Variants in CFDP1 observed in about 807,000 individuals in gnomAD.
The protein encoded by CFDP1 is chromatin remodeling protein CFDP1.
In CFDP1, 31 loss-of-function variants were observed where a neutral mutation model predicts 40.1. The observed-to-expected ratio is 0.77, with a 90% CI of 0.58 to 1.04. The LOEUF is 1.04. Ranked by LOEUF, CFDP1 falls within the 50% of genes least tolerant of loss-of-function variation. The pLI, the probability that CFDP1 is intolerant of heterozygous loss-of-function variation, is 0.00. For missense variants in CFDP1, 423 were observed against 343.4 expected (o/e 1.23, Z -1.83); for synonymous variants, 167 against 120.0 (o/e 1.39, Z -2.56).
intron 5 of CFDP1, among the ~76,000 whole-genome samples, chr16:75,369,570 T>C (rs942979177): frequency 1.1e-4 from 16 of 152,214 alleles, no homozygotes; most frequent in African/African-American, 3.9e-4. Context: ...GAGACGTATG[T>C]GTCCACACTT....
intron 5 of CFDP1, among the ~76,000 whole-genome samples, chr16:75,306,766 C>G (rs2078259734): frequency 6.6e-6 from 1 of 152,122 alleles, no homozygotes; most frequent in Non-Finnish European, 1.5e-5. Context: ...TACTTTACTT[C>G]CCAGTTTGCT....
chr16:75,420,111 C>CAAAAAAAAAAAAAAAA (rs10706144), intron 1 of CFDP1, among the ~76,000 whole-genome samples: 1 of 62,610 alleles, frequency 1.6e-5, no homozygotes, highest in Non-Finnish European at 3.0e-5. Flanking sequence ...ACCTTCATCT[C>CAAAAAAAAAAAAAAAA]AAAAAAAAAA....
intron 5 of CFDP1, among the ~76,000 whole-genome samples, chr16:75,357,369 C>CGAGT (rs1567655826): frequency 2.6e-5 from 4 of 152,120 alleles, no homozygotes; most frequent in African/African-American, 7.2e-5. Flanking sequence ...ATTCTCCTAC[C>CGAGT]TCAGCCTCCT....
chr16:75,402,372 G>A (rs1179476078), intron 4 of CFDP1, among the ~76,000 whole-genome samples: 1 of 152,144 alleles, frequency 6.6e-6, no homozygotes, highest in Non-Finnish European at 1.5e-5. Flanking sequence ...TTTCCAAAAG[G>A]TGAATCATTT....
chr16:75,348,121 T>A (rs2078582934), intron 5 of CFDP1, among the ~76,000 whole-genome samples: 1 of 152,182 alleles, frequency 6.6e-6, no homozygotes, highest in African/African-American at 2.4e-5. Flanking sequence ...AATGTTAATT[T>A]CTTTCTTTTT....
chr16:75,375,140 A>G (rs1263943305), intron 5 of CFDP1, among the ~76,000 whole-genome samples: 2 of 152,210 alleles, frequency 1.3e-5, no homozygotes, highest in East Asian at 1.9e-4. Context: ...GGACCATTAA[A>G]AAAAGGCAAA....
chr16:75,433,259 T>A (rs1463630589), intron 1 of CFDP1, 30 bp downstream of exon 1: 1 of 1,575,610 alleles, frequency 6.3e-7, no homozygotes, highest in Non-Finnish European at 8.6e-7. Flanking sequence ...GCGGGGCAAT[T>A]CGCTTCTCGC....
intron 5 of CFDP1, chr16:75,325,118 G>A (rs2078393242): frequency 6.6e-6 from 1 of 152,322 alleles, no homozygotes; most frequent in African/African-American, 2.4e-5. Flanking sequence ...GTATGCCTAT[G>A]ACCCCCAAAT....
chr16:75,325,352 G>A (rs746154922), intron 5 of CFDP1, among the ~76,000 whole-genome samples: 1 of 152,160 alleles, frequency 6.6e-6, no homozygotes, highest in African/African-American at 2.4e-5. Context: ...TCTGCCCAAC[G>A]ACTGTGCCCA....
At chr16:75,429,178 C>T (rs544379066) in intron 1 of CFDP1, among the ~76,000 whole-genome samples, 5 of 152,094 alleles carry the variant, frequency 3.3e-5, no homozygotes, top group Non-Finnish European at 7.4e-5. Flanking sequence ...CGGAGACAAA[C>T]AGATCTTATA....
chr16:75,401,833 G>T (rs12051136), intron 4 of CFDP1, among the ~76,000 whole-genome samples: 78,737 of 151,936 alleles, frequency 0.52, 21,479 homozygotes, highest in Admixed American at 0.64. Flanking sequence ...TCCAAGCACT[G>T]TTAGATGTTG....
At chr16:75,430,782 C>A (rs571828162) in intron 1 of CFDP1, among the ~76,000 whole-genome samples, 8 of 152,094 alleles carry the variant, frequency 5.3e-5, no homozygotes, top group African/African-American at 1.9e-4. Context: ...TTTTATCATA[C>A]AGATGAAGCT....
At chr16:75,375,573 C>A (rs2078785901) in intron 5 of CFDP1, among the ~76,000 whole-genome samples, 1 of 152,072 alleles carries the variant, frequency 6.6e-6, no homozygotes, top group Admixed American at 6.6e-5. Context: ...GGGTGGATCA[C>A]CTCAGGTCAG....
intron 5 of CFDP1, among the ~76,000 whole-genome samples, chr16:75,336,733 CCAA>C: frequency 6.6e-6 from 1 of 152,210 alleles, no homozygotes; most frequent in Non-Finnish European, 1.5e-5. Context: ...TGCTGGACTG[CCAA>C]TGGCAATCCT....
intron 4 of CFDP1, 52 bp from the exon 5 acceptor site, chr16:75,395,261 A>G (rs750471287): frequency 1.9e-6 from 3 of 1,592,752 alleles, no homozygotes; most frequent in Admixed American, 3.5e-5. Context: ...AGAGAAAGAA[A>G]CAAGCTAGAA....
chr16:75,349,670 A>ATAT (rs2078595313), intron 5 of CFDP1, among the ~76,000 whole-genome samples: 2 of 8,200 alleles, frequency 2.4e-4, no homozygotes, highest in African/African-American at 3.8e-4. Flanking sequence ...AAAAAAAAAA[A>ATAT]AAAAAAAAAA....
chr16:75,381,905 A>G (rs529836246), intron 5 of CFDP1, among the ~76,000 whole-genome samples: 4 of 152,306 alleles, frequency 2.6e-5, no homozygotes, highest in South Asian at 2.1e-4. Flanking sequence ...CAAGAGGCCT[A>G]TGAATCTTGG....
chr16:75,349,160 G>T (rs1484574488), intron 5 of CFDP1, among the ~76,000 whole-genome samples: 2 of 152,148 alleles, frequency 1.3e-5, no homozygotes, highest in African/African-American at 2.4e-5. Flanking sequence ...ATGAGCCACT[G>T]CACCAGGGCT....
intron 5 of CFDP1, among the ~76,000 whole-genome samples, chr16:75,381,049 G>A (rs989293302): frequency 2.6e-5 from 4 of 152,216 alleles, no homozygotes; most frequent in African/African-American, 9.7e-5. Flanking sequence ...GTGGCACGTA[G>A]AGTGGAGAGA....
Sources: gnomAD v4.1 joint callset for allele counts (sites outside exome capture counted in the v4.1 genomes callset) on GRCh38, gnomAD v4.1.1 for gene constraint, MANE v1.5 for transcripts, NCBI Gene and HGNC (gene_info 2026-07-23, HGNC 2026-07-21) for gene names.